EPHB6: variants seen among roughly 807,000 people sequenced by gnomAD.
The protein encoded by EPHB6 is EPH receptor B6.
EPHB6 carries 51 observed loss-of-function variants against 107.0 expected under a neutral mutation model. The ratio of observed to expected loss-of-function variants is 0.48; its 90% CI spans 0.38 to 0.60. The LOEUF is 0.60. EPHB6 is among the 20% of genes least tolerant of loss of function. EPHB6 has a pLI of 0.00. For missense variants in EPHB6, 1,141 were observed against 1,355.5 expected (o/e 0.84, Z 2.48); for synonymous variants, 553 against 549.0 (o/e 1.01, Z -0.10).
chr7:142,857,613 C>T (rs1305675041), intron 1 of EPHB6, among the ~76,000 whole-genome samples: 3 of 152,184 alleles, frequency 2.0e-5, no homozygotes, highest in East Asian at 1.9e-4. Flanking sequence ...AACCTCGAAC[C>T]GCTTTGCCCT....
At chr7:142,857,239 C>A (rs1368246681) in intron 1 of EPHB6, among the ~76,000 whole-genome samples, 1 of 152,312 alleles carries the variant, frequency 6.6e-6, no homozygotes, top group East Asian at 1.9e-4. Flanking sequence ...GGCTGGAGGC[C>A]TCCAGGGACA....
chr7:142,859,932 C>T (rs1191369586), intron 1 of EPHB6, among the ~76,000 whole-genome samples: 2 of 152,182 alleles, frequency 1.3e-5, no homozygotes, highest in Admixed American at 6.5e-5. Flanking sequence ...AGGCCAGCTT[C>T]GTGTTGTCAT....
At position 142,864,336 on chromosome 7, in the gene EPHB6, C is replaced by A. The variant is rs141491735; in HGVS notation, c.536C>A (p.Ala179Glu). Residue 179 changes from alanine (A) to glutamate (E), a missense_variant, in exon 7 of 20, where the codon GCG (alanine) becomes GAG (glutamate). This residue lies in a region of EPHB6 where 221 missense variants were observed against 300.5 expected (regional missense o/e 0.74). Coordinates refer to ENST00000652003, the MANE Select transcript of EPHB6 (RefSeq NM_004445.6). ...TCCTCCTCCTCTTCTTCCTCTGCAGCGTGGGCTGTGGGACCCCACGGGGCT... is the reference window on the plus strand; with the variant it reads ...TCCTCCTCCTCTTCTTCCTCTGCAGAGTGGGCTGTGGGACCCCACGGGGCT... ...SSSSSSSSSA[A>E]WAVGPHGAGQ... is the part of the protein sequence containing the mutation. 1 of 1,613,254 alleles carries A rather than the reference C, an allele frequency of 6.2e-7. No individual in the cohort carries two copies. Among genetic ancestry groups the A allele is most frequent in the South Asian group, 1.1e-5 (1 of 91,090 alleles).
intron 1 of EPHB6, among the ~76,000 whole-genome samples, chr7:142,857,126 G>C (rs1474552948): frequency 6.6e-6 from 1 of 152,214 alleles, no homozygotes; most frequent in Non-Finnish European, 1.5e-5. Flanking sequence ...TGTCTGGCTA[G>C]ACCTAGACAC....
At chr7:142,865,707 G>T in intron 8 of EPHB6, 77 bp downstream of exon 8, 3 of 1,561,254 alleles carry the variant, frequency 1.9e-6, no homozygotes, top group Admixed American at 3.7e-5. Context: ...GGCAACACTG[G>T]GGGCTCTTTG....
At chr7:142,864,776 C>T (rs781595468) in intron 7 of EPHB6, 27 bp downstream of exon 7, 4 of 1,612,344 alleles carry the variant, frequency 2.5e-6, no homozygotes, top group East Asian at 2.2e-5. Context: ...CTTGCACTTG[C>T]CCGACACCTC....
chr7:142,866,586 AGCTCC>A lies in EPHB6; in HGVS notation c.1572_1576del (p.Arg525LeufsTer2). On this transcript the variant is annotated frameshift_variant, in exon 10 of 20. Coordinates refer to ENST00000652003, the MANE Select transcript of EPHB6 (RefSeq NM_004445.6). LOFTEE classifies it high-confidence loss of function. This position sits in a 1 kb window ranked among gnomAD's most constrained non-coding sequence, Gnocchi z 5.2. Reference sequence around the variant, plus strand: ...ACCAATGGGAACATCCTGGACTATCAGCTCCGCTACTATGACCAGGTGCGCAGGAG... The same window carrying A: ...ACCAATGGGAACATCCTGGACTATCAGCTACTATGACCAGGTGCGCAGGAG... 1 of 1,614,056 alleles carries A rather than the reference AGCTCC, an allele frequency of 6.2e-7. No individual in the cohort carries two copies. Among genetic ancestry groups the A allele is most frequent in the Non-Finnish European group, 8.5e-7 (1 of 1,180,026 alleles).
Position 142,870,643 on chromosome 7 carries a change from T to A in EPHB6, c.2918T>A (p.Phe973Tyr). The A allele has an allele frequency of 6.2e-7, 1 of 1,614,236 alleles. No individual in the cohort carries two copies. Among genetic ancestry groups the A allele is most frequent in the South Asian group, 1.1e-5 (1 of 91,082 alleles). Residue 973 changes from phenylalanine (F) to tyrosine (Y), a missense_variant, in exon 19 of 20, where the codon TTT becomes TAT. By Grantham distance (22) the Phe-to-Tyr change is conservative. Around this residue, in one of 3 missense-constraint regions of EPHB6, gnomAD observed 616 missense variants for 759.3 expected, o/e 0.81. Coordinates refer to ENST00000652003, the MANE Select transcript of EPHB6 (RefSeq NM_004445.6). ...TGCTACCAGGACAACTTCTCCAAGT[T>A]TGGCCTCTGTACCTTCAGTGATGTG... ...LECYQDNFSKFGLCTFSDVAQ... is the reference protein window; with the variant it reads ...LECYQDNFSKYGLCTFSDVAQ...
At position 142,869,498 on chromosome 7, in the gene EPHB6, A is replaced by G. The variant is rs2116482012; in HGVS notation, c.2461-319A>G. ...CAGCTCTGTGACCTTGGACAAGTTC[A>G]CTTTCTCTAAGCTTCACCTTCTGCT... On this transcript the variant is annotated intron_variant, in intron 16 of 19. Transcript: ENST00000652003. The surrounding 1 kb of genome is among the most constrained non-coding windows in gnomAD (Gnocchi z 4.5). Among the ~76,000 whole-genome samples, 1 of 152,294 alleles carries G rather than the reference A, an allele frequency of 6.6e-6. No individual in the cohort carries two copies. The highest frequency in any genetic ancestry group is 2.4e-5 in the African/African-American group (1 of 41,558).
In EPHB6 at chr7:142,869,211, TC is replaced by T. The variant is rs1794776637; in HGVS notation, c.2460+65del. 1.1e-5 allele frequency: 17 copies of T among 1,568,628 alleles called. No homozygotes were observed. The highest frequency in any genetic ancestry group is 1.5e-5 in the Non-Finnish European group (17 of 1,149,274). On this transcript the variant is annotated intron_variant, in intron 16 of 19. Transcript: ENST00000652003. The surrounding 1 kb of genome is among the most constrained non-coding windows in gnomAD (Gnocchi z 4.5). Reference sequence around the variant, plus strand: ...TGGCATGCCCCAGCAGGTGCTGGGGTCGGGGGTGAGCTGGAATCTGGGGTAG... The same window carrying T: ...TGGCATGCCCCAGCAGGTGCTGGGGTGGGGGTGAGCTGGAATCTGGGGTAG...
chr7:142,867,087 C>T lies in EPHB6; in HGVS notation c.1750+19C>T. On this transcript the variant is annotated intron_variant, in intron 11 of 19. Coordinates refer to ENST00000652003, the MANE Select transcript of EPHB6 (RefSeq NM_004445.6). The surrounding 1 kb of genome is among the most constrained non-coding windows in gnomAD (Gnocchi z 5.3). Reference sequence around the variant, plus strand: ...CCTCAAGGTGAGCGGGGGTCAAGGGCCAGATGGGCAGGTGAAGGCCCAAGT... The same window carrying T: ...CCTCAAGGTGAGCGGGGGTCAAGGGTCAGATGGGCAGGTGAAGGCCCAAGT... 6.2e-7 allele frequency: 1 copy of T among 1,609,794 alleles called. No homozygotes were observed. Among genetic ancestry groups the T allele is most frequent in the South Asian group, 1.1e-5 (1 of 91,018 alleles).
chr7:142,867,398 A>T lies in EPHB6; in HGVS notation c.1751-210A>T, dbSNP rs1436692812. ...TGTGTGGATGTGGAGGGCTGTGGGGATGTGTGTGTGTGTTGTGTGTCCCTG... is the reference window on the plus strand; with the variant it reads ...TGTGTGGATGTGGAGGGCTGTGGGGTTGTGTGTGTGTGTTGTGTGTCCCTG... On this transcript the variant is annotated intron_variant, in intron 11 of 19. Coordinates refer to ENST00000652003, the MANE Select transcript of EPHB6 (RefSeq NM_004445.6). This position sits in a 1 kb window ranked among gnomAD's most constrained non-coding sequence, Gnocchi z 5.3. 3.1e-6 allele frequency: 2 copies of T among 637,892 alleles called. No individual in the cohort carries two copies. Among genetic ancestry groups the T allele is most frequent in the African/African-American group, 3.7e-5 (2 of 53,436 alleles). The allele number at this position is 637,892 out of a possible 1,614,324, so 39.5% of individuals were successfully genotyped here.
At chr7:142,856,195 G>A (rs1802605817) in intron 1 of EPHB6, among the ~76,000 whole-genome samples, 1 of 152,216 alleles carries the variant, frequency 6.6e-6, no homozygotes, top group African/African-American at 2.4e-5. Flanking sequence ...GCTCTAGGAG[G>A]GGAGATGCTG....
chr7:142,859,305 T>G (rs1008648980), intron 1 of EPHB6, among the ~76,000 whole-genome samples: 1 of 152,218 alleles, frequency 6.6e-6, no homozygotes, highest in Non-Finnish European at 1.5e-5. Context: ...AGATGCTCCA[T>G]GCCCACAACC....
At position 142,868,347 on chromosome 7, in the gene EPHB6, G is replaced by A. The variant is rs2116467439; in HGVS notation, c.2025G>A (p.Glu675=). The A allele has an allele frequency of 1.9e-6, 3 of 1,614,146 alleles. No homozygotes were observed. The highest frequency in any genetic ancestry group is 8.5e-7 in the Non-Finnish European group (1 of 1,180,020). Residue 675 remains glutamate, a synonymous_variant, in exon 14 of 20, where the codon GAG becomes GAA. Coordinates refer to ENST00000652003, the MANE Select transcript of EPHB6 (RefSeq NM_004445.6). The surrounding 1 kb of genome is among the most constrained non-coding windows in gnomAD (Gnocchi z 4.2). ...EVDPAYIKIE[E]VIGTGSFGEV... ...ATCCTGCTTATATCAAGATTGAGGA[G>A]GTCATTGGGACAGGTACAGCAGGGC...
chr7:142,865,408 T>G, intron 7 of EPHB6, 67 bp from the exon 8 acceptor site: 2 of 1,602,644 alleles, frequency 1.2e-6, no homozygotes, highest in Non-Finnish European at 1.7e-6. Flanking sequence ...CTGCCTGCTG[T>G]GTGTTGGGAG....
intron 19 of EPHB6, 40 bp from the exon 20 acceptor site, chr7:142,870,756 G>A (rs1794882709): frequency 1.9e-6 from 3 of 1,614,154 alleles, no homozygotes; most frequent in Admixed American, 3.3e-5. Flanking sequence ...GGGGATCTCG[G>A]AGAAGCTGGC....
chr7:142,866,305 C>T lies in EPHB6; in HGVS notation c.1451C>T (p.Thr484Ile), dbSNP rs531547961. The T allele has an allele frequency of 6.2e-7, 1 of 1,613,998 alleles. No individual in the cohort carries two copies. The highest frequency in any genetic ancestry group is 1.7e-5 in the Admixed American group (1 of 60,010). ...PPQAAAINVS[T>I]SHEVPSAVPV... Reference sequence around the variant, plus strand: ...CAGGCTGCAGCCATCAATGTCAGCACCAGCCATGAAGGTGAGCTCTTTTCC... The same window carrying T: ...CAGGCTGCAGCCATCAATGTCAGCATCAGCCATGAAGGTGAGCTCTTTTCC... Residue 484 changes from threonine to isoleucine, a missense_variant, in exon 9 of 20, where the codon ACC becomes ATC. Thr to Ile is a moderately conservative substitution (Grantham distance 89). Coordinates refer to ENST00000652003, the MANE Select transcript of EPHB6 (RefSeq NM_004445.6). The surrounding 1 kb of genome is among the most constrained non-coding windows in gnomAD (Gnocchi z 5.2).
At position 142,868,017 on chromosome 7, in the gene EPHB6, A is replaced by C; in HGVS notation, c.1886A>C (p.Tyr629Ser). Residue 629 changes from tyrosine (Y) to serine (S), a missense_variant, in exon 13 of 20, where the codon TAC (tyrosine) becomes TCC (serine). Physicochemically the swap from Tyr to Ser is moderately radical, Grantham distance 144 (BLOSUM62 -2). Coordinates refer to ENST00000652003, the MANE Select transcript of EPHB6 (RefSeq NM_004445.6). The surrounding 1 kb of genome is among the most constrained non-coding windows in gnomAD (Gnocchi z 4.2). The stretch of plus-strand genomic sequence containing the variant: ...CTCAGGAAGCGGCGTGGGACTGGCT[A>C]CACAGAGCAGCTGCAGCAATACAGC... Reference protein sequence around the residue: ...VFQRKRRGTGYTEQLQQYSSP... With the variant: ...VFQRKRRGTGSTEQLQQYSSP... 6.3e-7 allele frequency: 1 copy of C among 1,587,750 alleles called. No homozygotes were observed. Among genetic ancestry groups the C allele is most frequent in the Non-Finnish European group, 8.6e-7 (1 of 1,167,018 alleles).
Sources: gnomAD v4.1 joint callset for allele counts (sites outside exome capture counted in the v4.1 genomes callset) on GRCh38, gnomAD v4.1.1 for gene constraint, gnomAD v4.1.1 regional missense constraint, Gnocchi (gnomAD v3.1) non-coding constraint, MANE v1.5 for transcripts, NCBI Gene and HGNC (gene_info 2026-07-23, HGNC 2026-07-21) for gene names.